ASB15: variants seen among roughly 807,000 people sequenced by gnomAD.
ASB15 encodes ankyrin repeat and SOCS box protein 15.
Under a neutral mutation model 58.0 loss-of-function variants are expected in ASB15, and 54 were observed. The ratio of observed to expected loss-of-function variants is 0.93; its 90% confidence interval spans 0.75 to 1.17. The LOEUF (loss-of-function observed/expected upper bound fraction) is 1.17, where lower values mean the gene tolerates loss of function less well. ASB15 is among the 50% of genes most tolerant of loss of function. The pLI is 0.00. For synonymous variants in ASB15, 249 were observed against 262.4 expected (o/e 0.95, Z 0.50); for missense variants, 680 against 707.4 (o/e 0.96, Z 0.44).
At chr7:123,611,223 A>G (rs1220666103) in intron 3 of ASB15, among the ~76,000 whole-genome samples, 1 of 152,124 alleles carries the variant, frequency 6.6e-6, no homozygotes, top group Non-Finnish European at 1.5e-5. Flanking sequence ...TATAGAAATA[A>G]TTTCCCATAG....
chr7:123,579,776 A>T (rs1394331493), intron 1 of ASB15, among the ~76,000 whole-genome samples: 1 of 152,098 alleles, frequency 6.6e-6, no homozygotes, highest in Non-Finnish European at 1.5e-5. Context: ...GATTTGGCTT[A>T]AGACTCCCAG....
At chr7:123,625,865 G>T (rs1801736739) in intron 8 of ASB15, among the ~76,000 whole-genome samples, 1 of 152,128 alleles carries the variant, frequency 6.6e-6, no homozygotes, top group Admixed American at 6.5e-5. Flanking sequence ...TAACATTTTT[G>T]AGGTGTCCCA....
intron 11 of ASB15, among the ~76,000 whole-genome samples, chr7:123,635,240 T>C (rs1424405270): frequency 1.3e-5 from 2 of 152,208 alleles, no homozygotes; most frequent in Admixed American, 1.3e-4. Flanking sequence ...TAGAAGAATT[T>C]CTTTGGTCTC....
chr7:123,585,541 T>A (rs1405846190), intron 1 of ASB15, among the ~76,000 whole-genome samples: 2 of 151,842 alleles, frequency 1.3e-5, no homozygotes, highest in African/African-American at 4.8e-5. Flanking sequence ...ATATACATAA[T>A]GCTGCAATGT....
At chr7:123,581,929 G>A (rs1525639) in intron 1 of ASB15, among the ~76,000 whole-genome samples, 2,194 of 152,094 alleles carry the variant, frequency 0.014, 52 homozygotes, top group African/African-American at 0.049. Flanking sequence ...AAAGCAAATG[G>A]ATTGACTAGC....
At chr7:123,573,957 T>C (rs1798987051) in intron 1 of ASB15, among the ~76,000 whole-genome samples, 1 of 152,096 alleles carries the variant, frequency 6.6e-6, no homozygotes, top group Admixed American at 6.6e-5. Context: ...CAATATTATT[T>C]TAACTGAACT....
At chr7:123,599,371 G>C (rs2116398103), upstream of ASB15, among the ~76,000 whole-genome samples, 2 of 152,338 alleles carry the variant, frequency 1.3e-5, no homozygotes, top group South Asian at 4.1e-4. Flanking sequence ...CTCCAGTTCT[G>C]ACAAAGCCTC....
At chr7:123,569,980 G>C (rs1165372169) in intron 1 of ASB15, among the ~76,000 whole-genome samples, 1 of 151,114 alleles carries the variant, frequency 6.6e-6, no homozygotes. Flanking sequence ...ACTATGATGG[G>C]ATATAAGTCA....
At chr7:123,570,029 C>CT (rs5887142) in intron 1 of ASB15, among the ~76,000 whole-genome samples, 1,054 of 88,014 alleles carry the variant, frequency 0.012, 23 homozygotes, top group Middle Eastern at 0.015. Context: ...ACTGCCATAG[C>CT]TTTTTTTTTT....
At chr7:123,569,984 T>A (rs1412795086) in intron 1 of ASB15, among the ~76,000 whole-genome samples, 1 of 150,974 alleles carries the variant, frequency 6.6e-6, no homozygotes, top group East Asian at 2.0e-4. Flanking sequence ...TGATGGGATA[T>A]AAGTCACTGT....
chr7:123,620,527 TATATATATATATATATATATA>T (rs1801196047), intron 7 of ASB15, among the ~76,000 whole-genome samples: 1 of 18,322 alleles, frequency 5.5e-5, no homozygotes, highest in African/African-American at 1.7e-4. Flanking sequence ...TATATATATA[TATATATATATATATATATATA>T]TATATATTTT....
In ASB15 at chr7:123,636,957, T is replaced by A; in HGVS notation, c.1743T>A (p.Tyr581Ter). Residue 581 changes from tyrosine (Y) to a stop codon, truncating the protein, a stop_gained, in exon 12 of 12, where the codon TAT (tyrosine) becomes TAA (stop). Transcript: ENST00000451215. LOFTEE classifies it high-confidence loss of function. ...TATTATTTAAAGAGTATGATCTCTATGGACAAGAGCTAAAATTGACATAAC... is the reference window on the plus strand; with the variant it reads ...TATTATTTAAAGAGTATGATCTCTAAGGACAAGAGCTAAAATTGACATAAC... ...RYILFKEYDL[Y>*]GQELKLT The A allele has an allele frequency of 1.9e-6, 3 of 1,556,344 alleles. No individual in the cohort carries two copies. Among genetic ancestry groups the A allele is most frequent in the South Asian group, 1.2e-5 (1 of 85,884 alleles).
At chr7:123,608,889 T>C (rs947033205) in intron 3 of ASB15, 1 of 150,892 alleles carries the variant, frequency 6.6e-6, no homozygotes, top group Non-Finnish European at 1.5e-5. Flanking sequence ...TCTTTAAAAG[T>C]ATGCATACAA....
chr7:123,592,305 A>G (rs891751253), intron 1 of ASB15, among the ~76,000 whole-genome samples: 3 of 151,934 alleles, frequency 2.0e-5, no homozygotes, highest in Non-Finnish European at 4.4e-5. Context: ...CTCCGATCTT[A>G]GTTATTTCTT....
intron 3 of ASB15, among the ~76,000 whole-genome samples, chr7:123,611,006 C>T (rs979506628): frequency 6.7e-6 from 1 of 148,990 alleles, no homozygotes; most frequent in South Asian, 2.1e-4. Flanking sequence ...CACTCGAACC[C>T]AGCAGGCGGG....
chr7:123,627,173 G>T lies in ASB15; in HGVS notation c.761G>T (p.Gly254Val). 6.2e-7 allele frequency: 1 copy of T among 1,613,730 alleles called. No individual in the cohort carries two copies. Among genetic ancestry groups the T allele is most frequent in the Non-Finnish European group, 8.5e-7 (1 of 1,179,738 alleles). The change falls in exon 9 of 12, where the codon GGC becomes GTC. Residue 254 changes from glycine to valine, a missense_variant. Transcript: ENST00000451215. Reference protein sequence around the residue: ...ASVLFEAAGGGNPDCISLLLE... With the variant: ...ASVLFEAAGGVNPDCISLLLE... ...GTGCTGTTTGAGGCAGCAGGAGGTG[G>T]CAATCCCGACTGCATTTCCCTCCTG... is the stretch of plus-strand genomic sequence containing the variant.
At chr7:123,635,728 C>A (rs759557698) in intron 11 of ASB15, among the ~76,000 whole-genome samples, 3 of 149,844 alleles carry the variant, frequency 2.0e-5, no homozygotes, top group Non-Finnish European at 3.0e-5. Context: ...CAGTTGATTG[C>A]TATGAGTGTG....
intron 11 of ASB15, among the ~76,000 whole-genome samples, chr7:123,635,209 GAAAT>G (rs1297683946): frequency 1.3e-5 from 2 of 152,166 alleles, no homozygotes; most frequent in Admixed American, 6.5e-5. Context: ...GTAGGAGAAA[GAAAT>G]AAAGAAGAAT....
At chr7:123,591,281 T>C (rs139585696) in intron 1 of ASB15, among the ~76,000 whole-genome samples, 2 of 152,302 alleles carry the variant, frequency 1.3e-5, no homozygotes, top group African/African-American at 4.8e-5. Context: ...CCTGATTGAA[T>C]ACCCTATATT....
Sources: allele counts gnomAD v4.1 joint callset (sites outside exome capture counted in the v4.1 genomes callset), GRCh38; gene constraint gnomAD v4.1.1; transcripts MANE v1.5; gene names NCBI Gene and HGNC (gene_info 2026-07-23, HGNC 2026-07-21).